Variants in SEC14L2 observed in about 807,000 individuals in gnomAD.
SEC14L2 encodes SEC14-like protein 2.
SEC14L2 carries 50 observed loss-of-function variants against 56.9 expected under a neutral mutation model. The observed-to-expected ratio is 0.88, with a 90% CI of 0.70 to 1.11. SEC14L2 has a LOEUF of 1.11. Among genes scored for constraint, SEC14L2 ranks in the 50% most tolerant of loss-of-function variants. The pLI, the probability that SEC14L2 is intolerant of heterozygous loss-of-function variation, is 0.00. For synonymous variants in SEC14L2, 179 were observed against 188.5 expected (o/e 0.95, Z 0.41); for missense variants, 414 against 500.7 (o/e 0.83, Z 1.65).
chr22:30,398,957 T>G, intron 1 of SEC14L2: 4 of 382,370 alleles, frequency 1.0e-5, no homozygotes. Flanking sequence ...TAAGCTATGG[T>G]GCCAAGATCA....
intron 8 of SEC14L2, among the ~76,000 whole-genome samples, chr22:30,415,482 CCAGG>C (rs1934362791): frequency 6.6e-6 from 1 of 152,136 alleles, no homozygotes; most frequent in Non-Finnish European, 1.5e-5. Flanking sequence ...CCCACCATAA[CCAGG>C]CAGGGCAAGA....
At chr22:30,408,034 G>C (rs1934146876) in intron 5 of SEC14L2, among the ~76,000 whole-genome samples, 4 of 151,354 alleles carry the variant, frequency 2.6e-5, no homozygotes. Context: ...TGAAAAAGCA[G>C]TCCTTTAGGA....
chr22:30,407,141 G>A lies in SEC14L2; in HGVS notation c.221G>A (p.Trp74Ter). 6.2e-7 allele frequency: 1 copy of A among 1,613,998 alleles called. No individual in the cohort carries two copies. Among genetic ancestry groups the A allele is most frequent in the Non-Finnish European group, 8.5e-7 (1 of 1,179,998 alleles). Residue 74 changes from tryptophan to a stop codon, truncating the protein, a stop_gained, in exon 4 of 12, where the codon TGG becomes TAG. Transcript: ENST00000615189. LOFTEE classifies it high-confidence loss of function. ...KQKDIDNIIS[W>*]QPPEVIQQYL... Reference sequence around the variant, plus strand: ...AAGGACATTGACAACATCATTAGCTGGCAGCCTCCAGAGGTGAGCACAAAT... The same window carrying A: ...AAGGACATTGACAACATCATTAGCTAGCAGCCTCCAGAGGTGAGCACAAAT...
intron 8 of SEC14L2, among the ~76,000 whole-genome samples, chr22:30,412,296 A>G (rs1302426776): frequency 6.6e-6 from 1 of 152,190 alleles, no homozygotes. Context: ...AGTGGCACAT[A>G]CCAGCTACTA....
intron 8 of SEC14L2, 42 bp from the exon 9 acceptor site, chr22:30,415,717 G>C: frequency 6.4e-7 from 1 of 1,563,802 alleles, no homozygotes; most frequent in Non-Finnish European, 8.8e-7. Flanking sequence ...ATCTTACCTA[G>C]TGTTGAGATA....
rs1934564428 is a variant in SEC14L2 at position 30,423,037 on chromosome 22, CTT to C, written c.*632_*633del. ...AACTCCTGGGCCACACGGCCTGCCT[CTT>C]TGATTACTAATGATTGTCAGTGACT... On this transcript the variant is annotated 3_prime_UTR_variant, in exon 12 of 12. Coordinates refer to ENST00000615189, the MANE Select transcript of SEC14L2 (RefSeq NM_012429.5). 6.5e-6 allele frequency: 1 copy of C among 152,690 alleles called. No homozygotes were observed. Among genetic ancestry groups the C allele is most frequent in the African/African-American group, 2.4e-5 (1 of 41,450 alleles). The allele number at this position is 152,690 out of a possible 1,614,324, so 9.5% of individuals were successfully genotyped here. A position where few individuals can be genotyped will look rare whatever the true frequency, so the allele number is the denominator to read the frequency against.
chr22:30,410,045 G>A (rs1033229313), intron 7 of SEC14L2, among the ~76,000 whole-genome samples: 1 of 152,114 alleles, frequency 6.6e-6, no homozygotes, highest in South Asian at 2.1e-4. Flanking sequence ...TAAAAATATG[G>A]AAATTAGCTG....
intron 1 of SEC14L2, among the ~76,000 whole-genome samples, chr22:30,399,005 T>G (rs1933840434): frequency 6.6e-6 from 1 of 152,116 alleles, no homozygotes; most frequent in South Asian, 2.1e-4. Flanking sequence ...AACTGACAGC[T>G]TTTACTGCAG....
At chr22:30,409,306 AG>A (rs143784980) in intron 6 of SEC14L2, 24 bp downstream of exon 6, 32,642 of 1,452,710 alleles carry the variant, frequency 0.022, 441 homozygotes, top group Non-Finnish European at 0.026. Context: ...GTGGGGAGGA[AG>A]GGGACAGAGG....
At chr22:30,412,594 T>C (rs982674495) in intron 8 of SEC14L2, among the ~76,000 whole-genome samples, 1 of 151,548 alleles carries the variant, frequency 6.6e-6, no homozygotes, top group African/African-American at 2.4e-5. Flanking sequence ...GAGGCCCAAG[T>C]GGGTGGATCG....
intron 2 of SEC14L2, among the ~76,000 whole-genome samples, chr22:30,405,068 CA>C (rs71328849): frequency 3.0e-4 from 42 of 138,932 alleles, no homozygotes; most frequent in South Asian, 1.6e-3. Flanking sequence ...GAAATTGTCT[CA>C]AAAAAAAAAA....
In SEC14L2 at chr22:30,398,078, C is replaced by T. The variant is rs899035618; in HGVS notation, c.54+908C>T. 4.6e-5 allele frequency among the ~76,000 whole-genome samples: 7 copies of T among 152,086 alleles called. No individual in the cohort carries two copies. The East Asian group carries it at 1.4e-3, about 29-fold the overall frequency. On this transcript the variant is annotated intron_variant, in intron 1 of 11. Coordinates refer to ENST00000615189, the MANE Select transcript of SEC14L2 (RefSeq NM_012429.5). ...TTTTCCATGGCTGGGAAAGGTGGGG[C>T]GGGGGGCAGATGTATCCTGCCACTG...
In SEC14L2 at chr22:30,423,457, GC is replaced by G. The variant is rs1252140865; in HGVS notation, c.*1056del. 2 of 152,628 alleles carry G rather than the reference GC, an allele frequency of 1.3e-5. No individual in the cohort carries two copies. Among genetic ancestry groups the G allele is most frequent in the East Asian group, 1.9e-4 (1 of 5,196 alleles). The allele number at this position is 152,628 out of a possible 1,614,324, so 9.5% of individuals were successfully genotyped here. ...CCGGTCGGCGTAGCCAGGCCTGGAG[GC>G]CCCCCAGGCAGGAGGCCGCCCAAAG... On this transcript the variant is annotated 3_prime_UTR_variant, in exon 12 of 12. Transcript: ENST00000615189.
intron 11 of SEC14L2, chr22:30,416,645 G>T: frequency 7.0e-7 from 1 of 1,436,940 alleles, no homozygotes; most frequent in Non-Finnish European, 9.1e-7. Flanking sequence ...GTGAGTCACA[G>T]TCCTAGGCGA....
chr22:30,407,191 G>A, intron 4 of SEC14L2, 37 bp downstream of exon 4: 2 of 1,610,442 alleles, frequency 1.2e-6, no homozygotes, highest in Non-Finnish European at 1.7e-6. Context: ...CCTATGCTAG[G>A]CCTTTCAGAC....
chr22:30,416,814 T>G (rs1032183052), intron 11 of SEC14L2: 18 of 1,141,300 alleles, frequency 1.6e-5, no homozygotes, highest in Non-Finnish European at 1.9e-5. Flanking sequence ...AAGTGCAGCC[T>G]TCACCCCTGA....
At chr22:30,415,652 G>A in intron 8 of SEC14L2, 107 bp from the exon 9 acceptor site, 1 of 858,070 alleles carries the variant, frequency 1.2e-6, no homozygotes, top group Non-Finnish European at 1.9e-6. Flanking sequence ...GTTGTGGGGT[G>A]CAATGGATGG....
chr22:30,421,183 A>ACG (rs1008556507), intron 11 of SEC14L2: 2 of 152,138 alleles, frequency 1.3e-5, no homozygotes, highest in African/African-American at 2.4e-5. Flanking sequence ...ACACACACAC[A>ACG]CACACACACA....
intron 1 of SEC14L2, chr22:30,398,936 T>C: frequency 5.0e-6 from 2 of 398,782 alleles, no homozygotes; most frequent in Admixed American, 5.5e-5. Context: ...GGGTTGTGAG[T>C]GAGGAGTAAA....
Sources: gnomAD v4.1 joint callset for allele counts (sites outside exome capture counted in the v4.1 genomes callset) on GRCh38, gnomAD v4.1.1 for gene constraint, MANE v1.5 for transcripts, NCBI Gene and HGNC (gene_info 2026-07-23, HGNC 2026-07-21) for gene names.